Variants in FAM135A observed in about 807,000 individuals in gnomAD.
The protein encoded by FAM135A is family with sequence similarity 135 member A, also known as protein FAM135A.
In FAM135A, 79 loss-of-function variants were observed where a neutral mutation model predicts 146.8. The observed-to-expected ratio is 0.54, with a 90% confidence interval of 0.45 to 0.65. The LOEUF (loss-of-function observed/expected upper bound fraction) is 0.65. FAM135A is among the 30% of genes least tolerant of loss of function. The pLI is 0.00. For missense variants in FAM135A, 1,623 were observed against 1,758.2 expected (o/e 0.92, Z 1.38); for synonymous variants, 562 against 603.6 (o/e 0.93, Z 1.01).
chr6:70,452,154 T>G (rs1777240725), intron 4 of FAM135A, among the ~76,000 whole-genome samples: 1 of 152,196 alleles, frequency 6.6e-6, no homozygotes, highest in Middle Eastern at 3.4e-3. Flanking sequence ...ATCTTTTTAT[T>G]TTATAAAAGC....
chr6:70,482,249 T>A, intron 10 of FAM135A, 95 bp downstream of exon 10: 6 of 1,229,752 alleles, frequency 4.9e-6, no homozygotes, highest in Non-Finnish European at 6.7e-6. Flanking sequence ...TTTTCTATAC[T>A]AAAACTACAG....
rs1411222332 is a variant in FAM135A, at chr6:70,526,160, C to G, written c.3076C>G (p.Pro1026Ala). The change falls in exon 15 of 22, where the codon CCT becomes GCT. Residue 1026 changes from proline (P) to alanine (A), a missense_variant. Physicochemically the swap from Pro to Ala is conservative, Grantham distance 27 (BLOSUM62 -1). This residue lies in a region of FAM135A where 1,061 missense variants were observed against 1,113.8 expected (regional missense o/e 0.95). Coordinates refer to ENST00000418814, the MANE Select transcript of FAM135A (RefSeq NM_001162529.3). ...ESETHLGTSD[P>A]FSASTDIVKQ... is the part of the protein sequence containing the mutation. ...TGAAACTCATCTGGGTACAAGTGATCCTTTTTCAGCCAGTACTGATATAGT... is the reference window on the plus strand; with the variant it reads ...TGAAACTCATCTGGGTACAAGTGATGCTTTTTCAGCCAGTACTGATATAGT... 6.2e-7 allele frequency: 1 copy of G among 1,613,416 alleles called. No individual in the cohort carries two copies. Among genetic ancestry groups the G allele is most frequent in the Non-Finnish European group, 8.5e-7 (1 of 1,179,648 alleles).
intron 11 of FAM135A, among the ~76,000 whole-genome samples, chr6:70,493,081 A>G (rs78023393): frequency 0.019 from 2,837 of 152,184 alleles, 85 homozygotes; most frequent in African/African-American, 0.062. Flanking sequence ...TAAAAGCATT[A>G]GGTGGATCTC....
At chr6:70,533,346 A>G (rs1796185366) in intron 17 of FAM135A, 95 bp downstream of exon 17, 1 of 765,618 alleles carries the variant, frequency 1.3e-6, no homozygotes, top group East Asian at 2.8e-5. Flanking sequence ...AATAGTAGAA[A>G]TAATTTTTCT....
chr6:70,448,637 CA>C (rs1387710632), intron 4 of FAM135A, among the ~76,000 whole-genome samples: 3 of 152,148 alleles, frequency 2.0e-5, no homozygotes, highest in Non-Finnish European at 2.9e-5. Context: ...AGTGGGAAAT[CA>C]GGAGTCTCAC....
chr6:70,456,345 A>C (rs532311264), intron 5 of FAM135A, among the ~76,000 whole-genome samples: 1 of 152,360 alleles, frequency 6.6e-6, no homozygotes, highest in African/African-American at 2.4e-5. Flanking sequence ...GAAGTTCTTT[A>C]CATTTACAAA....
intron 4 of FAM135A, among the ~76,000 whole-genome samples, chr6:70,442,261 G>A (rs1156720937): frequency 8.6e-6 from 1 of 116,708 alleles, no homozygotes; most frequent in African/African-American, 4.0e-5. Flanking sequence ...TTTTTTTGCC[G>A]AGATATATCC....
intron 10 of FAM135A, among the ~76,000 whole-genome samples, chr6:70,486,956 T>A (rs1784784512): frequency 6.6e-6 from 1 of 151,700 alleles, no homozygotes; most frequent in Non-Finnish European, 1.5e-5. Flanking sequence ...TTTTCTGCAC[T>A]GCAGAAATAG....
intron 2 of FAM135A, among the ~76,000 whole-genome samples, chr6:70,425,625 A>T (rs1029455028): frequency 2.6e-5 from 4 of 152,226 alleles, no homozygotes; most frequent in Middle Eastern, 6.3e-3. Flanking sequence ...AGATTTTTTT[A>T]AAATTTAAGC....
intron 4 of FAM135A, among the ~76,000 whole-genome samples, chr6:70,446,324 T>G (rs971093206): frequency 6.6e-6 from 1 of 152,202 alleles, no homozygotes; most frequent in East Asian, 1.9e-4. Context: ...TAATTCCAGA[T>G]AGTAGGAACT....
At chr6:70,519,156 G>A (rs969690540) in intron 12 of FAM135A, among the ~76,000 whole-genome samples, 2 of 152,148 alleles carry the variant, frequency 1.3e-5, no homozygotes, top group Non-Finnish European at 2.9e-5. Context: ...AACCCTCATA[G>A]GTAACTTTGA....
intron 1 of FAM135A, among the ~76,000 whole-genome samples, chr6:70,414,606 C>T (rs1016327320): frequency 6.6e-6 from 1 of 151,578 alleles, no homozygotes; most frequent in Non-Finnish European, 1.5e-5. Context: ...TGTGACATAC[C>T]CTTCTAGTCC....
chr6:70,550,991 G>T (rs1799725471), intron 20 of FAM135A, among the ~76,000 whole-genome samples: 1 of 152,286 alleles, frequency 6.6e-6, no homozygotes, highest in African/African-American at 2.4e-5. Flanking sequence ...GCTGTTCTGT[G>T]CAGCTTCTTC....
intron 12 of FAM135A, 61 bp downstream of exon 12, chr6:70,502,852 T>G: frequency 6.6e-7 from 1 of 1,519,284 alleles, no homozygotes; most frequent in Admixed American, 2.1e-5. Flanking sequence ...TTTAGAAAAT[T>G]TTTATGAAAA....
At chr6:70,436,503 G>A (rs1773196618) in intron 4 of FAM135A, among the ~76,000 whole-genome samples, 1 of 151,980 alleles carries the variant, frequency 6.6e-6, no homozygotes, top group Non-Finnish European at 1.5e-5. Context: ...TATGGTATAG[G>A]GGTACATTTA....
chr6:70,501,805 A>T (rs956812947), intron 11 of FAM135A, among the ~76,000 whole-genome samples: 1 of 152,186 alleles, frequency 6.6e-6, no homozygotes, highest in Admixed American at 6.5e-5. Flanking sequence ...CTGCCTAACC[A>T]GTGCCAATGT....
Position 70,524,181 on chromosome 6 carries a change from T to C in FAM135A, c.1258+60T>C, listed in dbSNP as rs560973823. 28 of 1,470,924 alleles carry C rather than the reference T, an allele frequency of 1.9e-5. No individual in the cohort carries two copies. The African/African-American group carries it at 3.8e-4, about 20-fold the overall frequency. 91.1% of individuals were successfully genotyped at this position (1,470,924 alleles called of 1,614,324 possible). On this transcript the variant is annotated intron_variant, in intron 14 of 21. Transcript: ENST00000418814. ...TGTATAGTTTTCAGTATATTCTTCC[T>C]AATATACATAAAACCATTCCCTAAT... is the stretch of plus-strand genomic sequence containing the variant.
At chr6:70,534,502 G>A (rs950122727) in intron 18 of FAM135A, among the ~76,000 whole-genome samples, 2 of 151,336 alleles carry the variant, frequency 1.3e-5, no homozygotes, top group East Asian at 3.9e-4. Flanking sequence ...GTAGAGATGG[G>A]GGTTTCACCG....
chr6:70,440,593 C>T (rs2127940650), intron 4 of FAM135A, among the ~76,000 whole-genome samples: 1 of 152,280 alleles, frequency 6.6e-6, no homozygotes, highest in East Asian at 1.9e-4. Flanking sequence ...GAGTCTGAAG[C>T]AGGAGAATTG....
Sources: allele counts gnomAD v4.1 joint callset (sites outside exome capture counted in the v4.1 genomes callset), GRCh38; gene constraint gnomAD v4.1.1; regional missense constraint gnomAD v4.1.1; transcripts MANE v1.5; gene names NCBI Gene and HGNC (gene_info 2026-07-23, HGNC 2026-07-21).